The following RYR3 variants were observed in gnomAD, a reference collection of about 807,000 sequenced individuals.
RYR3 encodes ryanodine receptor 3, also known as brain ryanodine receptor-calcium release channel.
RYR3 carries 207 observed loss-of-function variants against 584.3 expected under a neutral mutation model. The observed-to-expected ratio is 0.35, with a 90% CI of 0.32 to 0.40. The LOEUF (loss-of-function observed/expected upper bound fraction) is 0.40, where lower values mean the gene tolerates loss of function less well. Among genes scored for constraint, RYR3 ranks in the 10% least tolerant of loss-of-function variants. The probability of loss-of-function intolerance (pLI) is 1.00; values close to 1 mark genes in which losing one functional copy is unlikely to be tolerated. For synonymous variants in RYR3, 2,416 were observed against 2,248.5 expected, an observed-to-expected ratio of 1.07 and a Z score of -2.11; for missense variants, 5,616 against 6,089.2, an observed-to-expected ratio of 0.92 and a Z score of 2.59.
At chr15:33,587,879 C>CTTCCATT (rs1284491442) in intron 16 of RYR3, among the ~76,000 whole-genome samples, 9 of 152,326 alleles carry the variant, frequency 5.9e-5, no homozygotes, top group African/African-American at 1.9e-4. Context: ...GGAGGCCAGA[C>CTTCCATT]TTCCATTGCA....
chr15:33,586,222 T>C, intron 16 of RYR3, 106 bp downstream of exon 16: 6 of 722,626 alleles, frequency 8.3e-6, no homozygotes, highest in Middle Eastern at 3.7e-4. Flanking sequence ...TTCTTGACTT[T>C]GATAAAAATC....
At chr15:33,746,754 A>C (rs1440663323) in intron 53 of RYR3, among the ~76,000 whole-genome samples, 1 of 152,042 alleles carries the variant, frequency 6.6e-6, no homozygotes, top group African/African-American at 2.4e-5. Flanking sequence ...CTCCATCTCA[A>C]AGAAAAGAAA....
intron 1 of RYR3, among the ~76,000 whole-genome samples, chr15:33,396,870 C>A (rs2042332327): frequency 6.6e-6 from 1 of 152,188 alleles, no homozygotes; most frequent in African/African-American, 2.4e-5. Context: ...TCTCCTTCAA[C>A]CCCCCTTTAT....
At chr15:33,475,868 T>C (rs1317537291) in intron 2 of RYR3, among the ~76,000 whole-genome samples, 1 of 152,260 alleles carries the variant, frequency 6.6e-6, no homozygotes, top group Non-Finnish European at 1.5e-5. Context: ...GATTTCATAT[T>C]GTACAAGACA....
At chr15:33,715,895 T>C (rs906303586) in intron 43 of RYR3, among the ~76,000 whole-genome samples, 10 of 152,312 alleles carry the variant, frequency 6.6e-5, no homozygotes, top group Admixed American at 2.0e-4. Context: ...TTCCTAATAC[T>C]GTTTAATATG....
At chr15:33,861,272 C>G (rs1019877157) in intron 102 of RYR3, 94 bp downstream of exon 102, 6 of 911,896 alleles carry the variant, frequency 6.6e-6, no homozygotes, top group Non-Finnish European at 1.7e-6. Context: ...AAAAGAGTAA[C>G]CAGAAAGGAA....
At chr15:33,327,877 TA>T (rs746855011) in intron 1 of RYR3, among the ~76,000 whole-genome samples, 4 of 152,204 alleles carry the variant, frequency 2.6e-5, no homozygotes, top group Non-Finnish European at 5.9e-5. Context: ...CTGCAAGTAT[TA>T]CTTCAGATCC....
intron 1 of RYR3, among the ~76,000 whole-genome samples, chr15:33,382,893 C>G (rs2041305705): frequency 1.3e-5 from 2 of 151,948 alleles, no homozygotes. Flanking sequence ...GTTTCATACC[C>G]TTTGGTAATA....
At chr15:33,687,675 G>A (rs927778049) in intron 38 of RYR3, among the ~76,000 whole-genome samples, 2 of 152,126 alleles carry the variant, frequency 1.3e-5, no homozygotes, top group East Asian at 1.9e-4. Context: ...CTACAAGGCT[G>A]CAGTAACCAA....
intron 55 of RYR3, among the ~76,000 whole-genome samples, chr15:33,749,736 C>T (rs925857606): frequency 1.3e-5 from 2 of 152,158 alleles, no homozygotes; most frequent in African/African-American, 4.8e-5. Context: ...ATGCATCAAA[C>T]TGCCAGAATA....
intron 1 of RYR3, among the ~76,000 whole-genome samples, chr15:33,344,641 T>G (rs1972220548): frequency 6.6e-6 from 1 of 152,174 alleles, no homozygotes; most frequent in African/African-American, 2.4e-5. Context: ...CCACTGGACT[T>G]TAATTTCAGA....
rs183893752 is a variant in RYR3, at chr15:33,607,595, G to T, written c.2164+4231G>T. On this transcript the variant is annotated intron_variant, in intron 18 of 103. Transcript: ENST00000634891. The stretch of plus-strand genomic sequence containing the variant: ...CATTTCTGCTGGTTGTTCTAAAAGG[G>T]TCAAATACATTAAACATACTTTAAA... Among the ~76,000 whole-genome samples the T allele has an allele frequency of 3.2e-4, 48 of 152,248 alleles. 1 individual carries two copies. In the East Asian group the frequency reaches 9.1e-3, roughly 29 times the overall value.
intron 7 of RYR3, among the ~76,000 whole-genome samples, chr15:33,543,200 C>T (rs2055961496): frequency 6.6e-6 from 1 of 152,032 alleles, no homozygotes; most frequent in African/African-American, 2.4e-5. Flanking sequence ...CTTTCTTTCC[C>T]ATGACTGCAA....
chr15:33,397,163 G>A (rs2042348061), intron 1 of RYR3, among the ~76,000 whole-genome samples: 2 of 152,202 alleles, frequency 1.3e-5, no homozygotes, highest in South Asian at 4.1e-4. Context: ...CCTGTAAGGT[G>A]CCCATCCCCC....
intron 70 of RYR3, among the ~76,000 whole-genome samples, chr15:33,809,943 C>T (rs1596721903): frequency 6.6e-6 from 1 of 152,136 alleles, no homozygotes; most frequent in African/African-American, 2.4e-5. Context: ...CCTAACTTTC[C>T]TTCAGCTGGA....
In RYR3 at chr15:33,581,262, G is replaced by T. The variant is rs557798186; in HGVS notation, c.1438-246G>T. 7.9e-5 allele frequency among the ~76,000 whole-genome samples: 12 copies of T among 152,194 alleles called. 1 individual carries two copies. The South Asian group carries it at 2.5e-3, about 32-fold the overall frequency. ...CCTTGGATTGAGTTAAGCACGTGGGGGCAACCCGTCAGAGGAGGCTGCTGA... is the reference window on the plus strand; with the variant it reads ...CCTTGGATTGAGTTAAGCACGTGGGTGCAACCCGTCAGAGGAGGCTGCTGA... On this transcript the variant is annotated intron_variant, in intron 13 of 103. Transcript: ENST00000634891.
intron 1 of RYR3, among the ~76,000 whole-genome samples, chr15:33,367,743 C>T (rs886643840): frequency 2.0e-5 from 3 of 152,056 alleles, no homozygotes; most frequent in Admixed American, 6.6e-5. Flanking sequence ...CTGAACTGTT[C>T]GCATATCCCT....
chr15:33,396,133 T>G (rs2676048), intron 1 of RYR3, among the ~76,000 whole-genome samples: 4,527 of 152,210 alleles, frequency 0.03, 229 homozygotes, highest in African/African-American at 0.1. Flanking sequence ...GCAGGTGTTG[T>G]CTGAAGGATC....
chr15:33,549,759 T>G (rs1007478421), intron 9 of RYR3, among the ~76,000 whole-genome samples: 4 of 152,242 alleles, frequency 2.6e-5, no homozygotes, highest in Non-Finnish European at 4.4e-5. Flanking sequence ...TAGGACTCTT[T>G]GTGGTAGTAA....
Sources: allele counts gnomAD v4.1 joint callset (sites outside exome capture counted in the v4.1 genomes callset), GRCh38; gene constraint gnomAD v4.1.1; transcripts MANE v1.5; gene names NCBI Gene and HGNC (gene_info 2026-07-23, HGNC 2026-07-21).